The following SPAG1 variants were observed in gnomAD, a reference collection of about 807,000 sequenced individuals.
SPAG1 encodes the protein sperm-associated antigen 1.
Under a neutral mutation model 100.5 loss-of-function variants are expected in SPAG1, and 69 were observed. The ratio of observed to expected loss-of-function variants is 0.69; its 90% CI spans 0.57 to 0.84. SPAG1 has a LOEUF of 0.84. Ranked by LOEUF, SPAG1 falls within the 40% of genes least tolerant of loss-of-function variation. The pLI, the probability that SPAG1 is intolerant of heterozygous loss-of-function variation, is 0.00. For synonymous variants in SPAG1, 336 were observed against 411.6 expected (o/e 0.82, Z 2.22); for missense variants, 955 against 1,133.1 (o/e 0.84, Z 2.26).
chr8:100,167,823 G>A (rs1326698157), intron 3 of SPAG1, among the ~76,000 whole-genome samples: 1 of 152,210 alleles, frequency 6.6e-6, no homozygotes, highest in Non-Finnish European at 1.5e-5. Context: ...TGTGGTCAGT[G>A]TAGACCCCAC....
At chr8:100,232,501 C>A (rs149756256) in intron 15 of SPAG1, among the ~76,000 whole-genome samples, 45 of 152,238 alleles carry the variant, frequency 3.0e-4, no homozygotes, top group Non-Finnish European at 5.7e-4. Flanking sequence ...GGATATCATC[C>A]CCTACCTCCC....
intron 10 of SPAG1, 183 bp downstream of exon 10, chr8:100,194,451 A>G: frequency 1.3e-6 from 1 of 794,144 alleles, no homozygotes; most frequent in Non-Finnish European, 2.0e-6. Flanking sequence ...TCTCAAACCC[A>G]TTTTCCTTCT....
intron 16 of SPAG1, among the ~76,000 whole-genome samples, chr8:100,235,133 C>T (rs529082580): frequency 1.5e-4 from 23 of 152,158 alleles, no homozygotes; most frequent in Non-Finnish European, 2.6e-4. Flanking sequence ...GTGGTCTCTT[C>T]AGAGGCCTAT....
chr8:100,230,114 T>C (rs1818699993), intron 14 of SPAG1, among the ~76,000 whole-genome samples: 1 of 152,218 alleles, frequency 6.6e-6, no homozygotes, highest in Non-Finnish European at 1.5e-5. Flanking sequence ...CATGATGTGC[T>C]GATTAATAAA....
At position 100,213,150 on chromosome 8, in the gene SPAG1, A is replaced by G. The variant is rs1165763846; in HGVS notation, c.1157A>G (p.Gln386Arg). ...CAGCCGTGCGTCATGGGCAACATCC[A>G]GAAGAAGCTGACTGGCAAAGCCGAA... ...AAQPCVMGNI[Q>R]KKLTGKAEGG... The change falls in exon 11 of 19, where the codon CAG becomes CGG. Residue 386 changes from glutamine (Q) to arginine (R), a missense_variant. Gln to Arg is a conservative substitution (Grantham distance 43). Transcript: ENST00000388798. 6.7e-7 allele frequency: 1 copy of G among 1,481,542 alleles called. No homozygotes were observed. Among genetic ancestry groups the G allele is most frequent in the Non-Finnish European group, 8.9e-7 (1 of 1,122,752 alleles). 91.8% of individuals were successfully genotyped at this position (1,481,542 alleles called of 1,614,324 possible).
intron 4 of SPAG1, among the ~76,000 whole-genome samples, 198 bp downstream of exon 4, chr8:100,178,139 AAC>A (rs1369020468): frequency 4.6e-5 from 7 of 152,204 alleles, no homozygotes; most frequent in African/African-American, 2.4e-5. Context: ...ATCAAAATGA[AAC>A]AGTTTTTTCC....
At chr8:100,190,018 T>C (rs1041551952) in intron 8 of SPAG1, among the ~76,000 whole-genome samples, 1 of 152,216 alleles carries the variant, frequency 6.6e-6, no homozygotes, top group Non-Finnish European at 1.5e-5. Context: ...AGATAAAATT[T>C]CTAACTTTTC....
At chr8:100,179,924 C>G (rs1411142275) in intron 4 of SPAG1, among the ~76,000 whole-genome samples, 1 of 152,152 alleles carries the variant, frequency 6.6e-6, no homozygotes, top group Non-Finnish European at 1.5e-5. Flanking sequence ...ATTATTCAGA[C>G]TTAGGATTTT....
At chr8:100,228,701 A>T (rs577024178) in intron 14 of SPAG1, among the ~76,000 whole-genome samples, 2 of 152,242 alleles carry the variant, frequency 1.3e-5, no homozygotes, top group Admixed American at 1.3e-4. Flanking sequence ...CGACAGAGCC[A>T]GACCCCATCT....
At chr8:100,237,026 T>A (rs1209079402) in intron 16 of SPAG1, among the ~76,000 whole-genome samples, 1 of 152,230 alleles carries the variant, frequency 6.6e-6, no homozygotes, top group Non-Finnish European at 1.5e-5. Context: ...TTAGCAACTT[T>A]TAATGCCTTC....
At chr8:100,197,971 A>C (rs1056176702) in intron 10 of SPAG1, among the ~76,000 whole-genome samples, 8 of 152,150 alleles carry the variant, frequency 5.3e-5, no homozygotes, top group African/African-American at 1.9e-4. Flanking sequence ...TTTTCCTGGA[A>C]GCTCCCTATC....
chr8:100,187,680 A>C (rs1024335064), intron 8 of SPAG1, among the ~76,000 whole-genome samples: 2 of 152,030 alleles, frequency 1.3e-5, no homozygotes, highest in African/African-American at 4.8e-5. Flanking sequence ...AAAAAAACTC[A>C]AGCTTGCATT....
At chr8:100,212,116 T>C (rs1817742088) in intron 10 of SPAG1, among the ~76,000 whole-genome samples, 1 of 152,272 alleles carries the variant, frequency 6.6e-6, no homozygotes, top group African/African-American at 2.4e-5. Context: ...GTTATTCTGC[T>C]GTATAGAAAA....
chr8:100,191,936 A>T (rs935636666), intron 9 of SPAG1, among the ~76,000 whole-genome samples: 2 of 152,134 alleles, frequency 1.3e-5, no homozygotes, highest in African/African-American at 2.4e-5. Context: ...ACGCCTAAAG[A>T]GTAGAGGTAA....
intron 10 of SPAG1, among the ~76,000 whole-genome samples, chr8:100,199,467 T>C (rs1387912562): frequency 6.6e-6 from 1 of 152,176 alleles, no homozygotes; most frequent in Non-Finnish European, 1.5e-5. Context: ...GTTGTTGAGA[T>C]GGATTTTCAC....
chr8:100,162,488 A>C (rs1196055418), intron 2 of SPAG1, 68 bp downstream of exon 2: 2 of 1,252,286 alleles, frequency 1.6e-6, no homozygotes, highest in African/African-American at 1.5e-5. Context: ...TACCTTCTAA[A>C]GGTAAAAGCT....
chr8:100,204,737 G>C lies in SPAG1; in HGVS notation c.1097-8353G>C, dbSNP rs370809114. Among the ~76,000 whole-genome samples the C allele has an allele frequency of 2.0e-5, 3 of 152,164 alleles. No homozygotes were observed. The South Asian group carries it at 6.2e-4, about 31-fold the overall frequency. ...AAGATATACCCTTGATGAATGCCTT[G>C]TAAAATAGATTTGTGAGGGGAGCAC... is the stretch of plus-strand genomic sequence containing the variant. On this transcript the variant is annotated intron_variant, in intron 10 of 18. Coordinates refer to ENST00000388798, the MANE Select transcript of SPAG1 (RefSeq NM_003114.5).
intron 12 of SPAG1, 29 bp downstream of exon 12, chr8:100,213,947 G>A (rs1817855888): frequency 1.6e-6 from 2 of 1,281,614 alleles, no homozygotes; most frequent in Non-Finnish European, 1.1e-6. Context: ...GGTTTGTCAA[G>A]AGATTGTTAT....
intron 4 of SPAG1, 77 bp from the exon 5 acceptor site, chr8:100,183,298 C>T (rs984375398): frequency 1.3e-5 from 9 of 712,906 alleles, no homozygotes; most frequent in Non-Finnish European, 2.2e-5. Context: ...TAACCCAATA[C>T]TTTCCATTGC....
Sources: allele counts gnomAD v4.1 joint callset (sites outside exome capture counted in the v4.1 genomes callset), GRCh38; gene constraint gnomAD v4.1.1; transcripts MANE v1.5; gene names NCBI Gene and HGNC (gene_info 2026-07-23, HGNC 2026-07-21).